The following CHSY3 variants were observed in gnomAD, a reference collection of about 807,000 sequenced individuals.
CHSY3 encodes the protein N-acetylgalactosaminyl-proteoglycan 3-beta-glucuronosyltransferase 3.
Under a neutral mutation model 67.2 loss-of-function variants are expected in CHSY3, and 35 were observed. The ratio of observed to expected loss-of-function variants is 0.52; its 90% CI spans 0.40 to 0.69. The LOEUF is 0.69. Among genes scored for constraint, CHSY3 ranks in the 30% least tolerant of loss-of-function variants. The pLI is 0.00. For missense variants in CHSY3, 1,069 were observed against 1,138.5 expected, an observed-to-expected ratio of 0.94 and a Z score of 0.88; for synonymous variants, 474 against 434.7, an observed-to-expected ratio of 1.09 and a Z score of -1.12.
At chr5:130,050,768 G>C (rs1765318288) in intron 2 of CHSY3, among the ~76,000 whole-genome samples, 1 of 151,966 alleles carries the variant, frequency 6.6e-6, no homozygotes, top group Admixed American at 6.6e-5. Flanking sequence ...ACTCATCTAC[G>C]CATACATATG....
chr5:130,070,714 A>G (rs889951115), intron 2 of CHSY3, among the ~76,000 whole-genome samples: 1 of 152,102 alleles, frequency 6.6e-6, no homozygotes, highest in African/African-American at 2.4e-5. Flanking sequence ...AATAAATTCA[A>G]CTTTTACTAC....
intron 2 of CHSY3, among the ~76,000 whole-genome samples, chr5:130,032,535 A>G (rs982092009): frequency 2.0e-5 from 3 of 152,060 alleles, no homozygotes; most frequent in Admixed American, 1.3e-4. Context: ...TCCTAAGCCT[A>G]GTGAGAGAGT....
chr5:130,176,707 C>G (rs544228687), intron 2 of CHSY3, among the ~76,000 whole-genome samples: 57 of 152,224 alleles, frequency 3.7e-4, no homozygotes, highest in Non-Finnish European at 7.2e-4. Context: ...ATGGATGAAG[C>G]TGGAAACCAT....
intron 2 of CHSY3, among the ~76,000 whole-genome samples, chr5:129,977,348 A>T (rs1412293577): frequency 6.6e-6 from 1 of 152,204 alleles, no homozygotes; most frequent in African/African-American, 2.4e-5. Flanking sequence ...TCCTTTAAGA[A>T]CAATGCTTTA....
chr5:130,123,913 G>A (rs12189166), intron 2 of CHSY3, among the ~76,000 whole-genome samples: 1 of 151,518 alleles, frequency 6.6e-6, no homozygotes. Context: ...AAAAAAATTA[G>A]CCGGGTGTGG....
chr5:129,976,514 G>A (rs768664181), intron 2 of CHSY3, among the ~76,000 whole-genome samples: 1 of 152,112 alleles, frequency 6.6e-6, no homozygotes, highest in Non-Finnish European at 1.5e-5. Flanking sequence ...GTCTTAGGAC[G>A]CTAGAATAAA....
In CHSY3 at chr5:129,904,910, C is replaced by T; in HGVS notation, c.81C>T (p.Ile27=). The T allele has an allele frequency of 6.5e-7, 1 of 1,532,086 alleles. No individual in the cohort carries two copies. Among genetic ancestry groups the T allele is most frequent in the Non-Finnish European group, 8.8e-7 (1 of 1,141,052 alleles). 94.9% of individuals were successfully genotyped at this position (1,532,086 alleles called of 1,614,324 possible). A position where few individuals can be genotyped will look rare whatever the true frequency, so the allele number is the denominator to read the frequency against. Reference sequence around the variant, plus strand: ...GCTTCACCGCCGCGTCCTGGCTCATCGCCCCCAGGGTGGCGGAGCTGAGCG... The same window carrying T: ...GCTTCACCGCCGCGTCCTGGCTCATTGCCCCCAGGGTGGCGGAGCTGAGCG... ...VLGFTAASWL[I]APRVAELSER... is the part of the protein sequence containing the mutation. Residue 27 remains isoleucine, a synonymous_variant, in exon 1 of 3, where the codon ATC becomes ATT. Transcript: ENST00000305031.
At chr5:130,083,052 A>C (rs1227948013) in intron 2 of CHSY3, among the ~76,000 whole-genome samples, 1 of 151,998 alleles carries the variant, frequency 6.6e-6, no homozygotes, top group Non-Finnish European at 1.5e-5. Context: ...TTGTATTAGT[A>C]ACAGGAACAG....
At chr5:129,918,333 A>C (rs944351379) in intron 2 of CHSY3, among the ~76,000 whole-genome samples, 3 of 152,216 alleles carry the variant, frequency 2.0e-5, no homozygotes, top group African/African-American at 7.2e-5. Context: ...GAATGTCTAC[A>C]TTGGCTCGAT....
At chr5:130,177,379 T>G (rs951410661) in intron 2 of CHSY3, among the ~76,000 whole-genome samples, 1 of 152,056 alleles carries the variant, frequency 6.6e-6, no homozygotes, top group Admixed American at 6.6e-5. Context: ...TGTTCCTGTT[T>G]GCACCATGTT....
intron 2 of CHSY3, chr5:130,001,783 G>C: frequency 2.4e-6 from 2 of 828,216 alleles, no homozygotes; most frequent in Non-Finnish European, 2.9e-6. Context: ...CTCGCTGATA[G>C]TTTCCTGTAT....
intron 2 of CHSY3, among the ~76,000 whole-genome samples, chr5:130,016,658 C>G (rs1764228591): frequency 6.6e-6 from 1 of 152,228 alleles, no homozygotes; most frequent in African/African-American, 2.4e-5. Flanking sequence ...GATCTGCCGC[C>G]TTGGCCTCCC....
intron 2 of CHSY3, among the ~76,000 whole-genome samples, chr5:130,169,417 C>A (rs1283512953): frequency 6.6e-6 from 1 of 151,992 alleles, no homozygotes; most frequent in Admixed American, 6.6e-5. Flanking sequence ...CACATTTTAC[C>A]TCCTTATACA....
intron 2 of CHSY3, among the ~76,000 whole-genome samples, chr5:130,125,582 A>T (rs1018397059): frequency 2.6e-5 from 4 of 152,220 alleles, no homozygotes; most frequent in African/African-American, 9.6e-5. Flanking sequence ...AAATTTCAGC[A>T]TAGAGATAAT....
Position 130,133,025 on chromosome 5 carries a change from A to G in CHSY3, c.1087-51204A>G, listed in dbSNP as rs116127401. ...CATTCAGAAAGTATTTATTTATTAT[A>G]CTATTATACTATAGGGGCATAAGAA... On this transcript the variant is annotated intron_variant, in intron 2 of 2. Transcript: ENST00000305031. Among the ~76,000 whole-genome samples, 1,416 of 152,282 alleles carry G rather than the reference A, an allele frequency of 9.3e-3. 17 individuals are homozygous for G. Among genetic ancestry groups the G allele is most frequent in the African/African-American group, 0.032 (1,312 of 41,550 alleles).
intron 2 of CHSY3, among the ~76,000 whole-genome samples, chr5:130,058,443 C>T (rs1765604038): frequency 6.6e-6 from 1 of 152,112 alleles, no homozygotes; most frequent in Non-Finnish European, 1.5e-5. Flanking sequence ...GCCTGGCTAA[C>T]ATGGTAAAAC....
At chr5:130,009,183 C>T (rs953054577) in intron 2 of CHSY3, among the ~76,000 whole-genome samples, 2 of 152,174 alleles carry the variant, frequency 1.3e-5, no homozygotes, top group East Asian at 1.9e-4. Context: ...AAGGACAATA[C>T]ATGCAAAAGA....
At chr5:130,034,772 C>T (rs571592189) in intron 2 of CHSY3, among the ~76,000 whole-genome samples, 2 of 152,200 alleles carry the variant, frequency 1.3e-5, no homozygotes, top group African/African-American at 4.8e-5. Context: ...AATTTTAAAT[C>T]AGGAAGTTGT....
intron 2 of CHSY3, among the ~76,000 whole-genome samples, chr5:130,026,843 TACTG>T: frequency 6.6e-6 from 1 of 152,284 alleles, no homozygotes; most frequent in South Asian, 2.1e-4. Flanking sequence ...TTTTTAAAAA[TACTG>T]ACAAGTTTAC....
Sources: allele counts gnomAD v4.1 joint callset (sites outside exome capture counted in the v4.1 genomes callset), GRCh38; gene constraint gnomAD v4.1.1; transcripts MANE v1.5; gene names NCBI Gene and HGNC (gene_info 2026-07-23, HGNC 2026-07-21).